The following VPS45 variants were observed in gnomAD, a reference collection of about 807,000 sequenced individuals.
VPS45 encodes vacuolar protein sorting-associated protein 45.
In VPS45, 35 loss-of-function variants were observed where a neutral mutation model predicts 75.9. The observed-to-expected ratio is 0.46, with a 90% CI of 0.35 to 0.61. VPS45 has a LOEUF of 0.61. Ranked by LOEUF, VPS45 falls within the 20% of genes least tolerant of loss-of-function variation. The probability of loss-of-function intolerance (pLI) is 0.00; values close to 1 mark genes in which losing one functional copy is unlikely to be tolerated. For synonymous variants in VPS45, 220 were observed against 238.2 expected, an observed-to-expected ratio of 0.92 and a Z score of 0.70; for missense variants, 559 against 685.9, an observed-to-expected ratio of 0.81 and a Z score of 2.07.
chr1:150,117,392 G>T (rs1229665737), intron 14 of VPS45, among the ~76,000 whole-genome samples: 10 of 139,988 alleles, frequency 7.1e-5, no homozygotes, highest in East Asian at 4.4e-4. Flanking sequence ...CATGGTGACA[G>T]GCACCTATAG....
intron 14 of VPS45, among the ~76,000 whole-genome samples, chr1:150,132,538 C>T (rs1658887553): frequency 6.6e-6 from 1 of 152,194 alleles, no homozygotes; most frequent in African/African-American, 2.4e-5. Flanking sequence ...TTCCATTCCT[C>T]TGACAAAACC....
chr1:150,099,832 C>CAA (rs1241681093), intron 13 of VPS45, among the ~76,000 whole-genome samples: 4,271 of 107,640 alleles, frequency 0.04, 206 homozygotes, highest in Middle Eastern at 0.059. Context: ...GACTCCGTCT[C>CAA]AAAAAAAAAA....
intron 11 of VPS45, 35 bp downstream of exon 11, chr1:150,092,130 ACCAACTCTGTTATTATATTCTTAGCT>A (rs1476178192): frequency 6.3e-7 from 1 of 1,597,534 alleles, no homozygotes; most frequent in East Asian, 2.2e-5. Context: ...CCAAACAGGA[ACCAACTCTGTTATTATATTCTTAGCT>A]CTAACGAATG....
chr1:150,086,559 T>C (rs957753947), intron 10 of VPS45, among the ~76,000 whole-genome samples: 27 of 152,106 alleles, frequency 1.8e-4, no homozygotes, highest in Admixed American at 1.7e-3. Flanking sequence ...CACATTGAAC[T>C]GACTGACAAT....
chr1:150,083,673 CTATA>C (rs1202701274), intron 10 of VPS45, among the ~76,000 whole-genome samples: 6 of 146,652 alleles, frequency 4.1e-5, no homozygotes, highest in Admixed American at 2.0e-4. Context: ...TATATATTTT[CTATA>C]TATATATAAA....
intron 7 of VPS45, among the ~76,000 whole-genome samples, chr1:150,080,995 C>G (rs1311958586): frequency 6.6e-6 from 1 of 152,146 alleles, no homozygotes; most frequent in African/African-American, 2.4e-5. Context: ...AACTGCAGTA[C>G]CAATATAGCT....
chr1:150,133,641 A>G (rs376721138), intron 14 of VPS45, among the ~76,000 whole-genome samples: 39 of 152,346 alleles, frequency 2.6e-4, no homozygotes, highest in African/African-American at 8.9e-4. Flanking sequence ...TGCATTTTTT[A>G]ATAGTGTTCA....
intron 9 of VPS45, 21 bp from the exon 10 acceptor site, chr1:150,082,695 T>C (rs782259757): frequency 3.1e-6 from 5 of 1,606,022 alleles, no homozygotes; most frequent in African/African-American, 2.7e-5. Context: ...GAACCTCCCA[T>C]TGATGTTTTT....
chr1:150,079,308 G>A (rs587632651), intron 7 of VPS45, among the ~76,000 whole-genome samples: 7 of 152,092 alleles, frequency 4.6e-5, no homozygotes, highest in Non-Finnish European at 5.9e-5. Context: ...CCTCTCCTAC[G>A]TTACATATTT....
chr1:150,108,951 C>T (rs1054840767), intron 13 of VPS45, among the ~76,000 whole-genome samples: 9 of 152,098 alleles, frequency 5.9e-5, no homozygotes, highest in African/African-American at 7.2e-5. Flanking sequence ...GGACCCTTAT[C>T]GTAATTGACA....
At chr1:150,101,731 C>T (rs1251356415) in intron 13 of VPS45, among the ~76,000 whole-genome samples, 2 of 150,270 alleles carry the variant, frequency 1.3e-5, no homozygotes, top group African/African-American at 4.9e-5. Flanking sequence ...CAAGACTCCA[C>T]CTTGAAAAAA....
chr1:150,142,772 C>A (rs1659456983), intron 14 of VPS45: 1 of 408,402 alleles, frequency 2.4e-6, no homozygotes, highest in Non-Finnish European at 4.9e-6. Flanking sequence ...TCAAGCAATT[C>A]TTCTGCCTTA....
intron 1 of VPS45, 76 bp from the exon 2 acceptor site, chr1:150,068,554 A>T: frequency 7.6e-7 from 1 of 1,320,472 alleles, no homozygotes; most frequent in Non-Finnish European, 9.9e-7. Context: ...TATTAATGAA[A>T]AAAGAGGGTT....
At chr1:150,126,775 G>A (rs1658542424) in intron 14 of VPS45, among the ~76,000 whole-genome samples, 1 of 152,052 alleles carries the variant, frequency 6.6e-6, no homozygotes, top group African/African-American at 2.4e-5. Context: ...AGAACAGCCT[G>A]GGCAACATAG....
intron 14 of VPS45, 98 bp from the exon 15 acceptor site, chr1:150,144,611 A>G (rs1553816117): frequency 1.9e-6 from 2 of 1,044,972 alleles, no homozygotes; most frequent in African/African-American, 1.6e-5. Flanking sequence ...CCTACTATTC[A>G]TGATATATTT....
At chr1:150,077,834 A>G (rs1232986882) in intron 7 of VPS45, 55 bp downstream of exon 7, 1 of 1,361,982 alleles carries the variant, frequency 7.3e-7, no homozygotes, top group South Asian at 1.2e-5. Context: ...ATATTCATCA[A>G]AATACAGATA....
intron 13 of VPS45, among the ~76,000 whole-genome samples, chr1:150,106,443 C>A (rs1283664053): frequency 1.3e-5 from 2 of 152,100 alleles, no homozygotes; most frequent in Non-Finnish European, 2.9e-5. Context: ...AAAAGAATTA[C>A]AAGTGGCCAA....
intron 14 of VPS45, among the ~76,000 whole-genome samples, chr1:150,141,530 G>A (rs1476738754): frequency 1.3e-5 from 2 of 152,188 alleles, no homozygotes; most frequent in Non-Finnish European, 2.9e-5. Flanking sequence ...TACCAGTGAT[G>A]TAAGTGGAGA....
chr1:150,104,645 G>T (rs1657220444), intron 13 of VPS45, among the ~76,000 whole-genome samples: 3 of 152,134 alleles, frequency 2.0e-5, no homozygotes, highest in Admixed American at 2.0e-4. Flanking sequence ...GGCAGTCACA[G>T]CTCACTGCAG....
Sources: gnomAD v4.1 joint callset for allele counts (sites outside exome capture counted in the v4.1 genomes callset) on GRCh38, gnomAD v4.1.1 for gene constraint, MANE v1.5 for transcripts, NCBI Gene and HGNC (gene_info 2026-07-23, HGNC 2026-07-21) for gene names.